TEX9: variants seen among roughly 807,000 people sequenced by gnomAD.
TEX9 encodes the protein testis-expressed protein 9.
TEX9 carries 74 observed loss-of-function variants against 59.6 expected under a neutral mutation model. The observed-to-expected ratio is 1.24, with a 90% CI of 1.03 to 1.51. TEX9 has a LOEUF of 1.51. TEX9 is among the 40% of genes most tolerant of loss of function. The pLI is 0.00. For synonymous variants in TEX9, 186 were observed against 152.2 expected, an observed-to-expected ratio of 1.22 and a Z score of -1.64; for missense variants, 522 against 447.8, an observed-to-expected ratio of 1.17 and a Z score of -1.49.
chr15:56,252,655 T>C (rs151279767), intron 1 of TEX9, among the ~76,000 whole-genome samples: 1 of 152,278 alleles, frequency 6.6e-6, no homozygotes, highest in Non-Finnish European at 1.5e-5. Flanking sequence ...GTCTGCTGCG[T>C]GCTTCCTGTA....
At chr15:56,352,638 GGCT>G (rs1391431255) in intron 1 of TEX9, among the ~76,000 whole-genome samples, 8 of 151,982 alleles carry the variant, frequency 5.3e-5, no homozygotes, top group Non-Finnish European at 1.0e-4. Flanking sequence ...ACAATGCAGT[GGCT>G]GATGGCACTT....
chr15:56,262,431 G>A (rs1241771162), intron 1 of TEX9, among the ~76,000 whole-genome samples: 1 of 152,078 alleles, frequency 6.6e-6, no homozygotes, highest in East Asian at 1.9e-4. Context: ...CTATTAGTTG[G>A]TTTTCAGGCT....
chr15:56,254,649 A>G (rs1463636114), intron 1 of TEX9, among the ~76,000 whole-genome samples: 1 of 151,942 alleles, frequency 6.6e-6, no homozygotes, highest in Non-Finnish European at 1.5e-5. Context: ...CAATACAAGA[A>G]TAATACAAGT....
At chr15:56,271,402 TA>T (rs2044527772) in intron 1 of TEX9, among the ~76,000 whole-genome samples, 1 of 152,212 alleles carries the variant, frequency 6.6e-6, no homozygotes, top group Non-Finnish European at 1.5e-5. Flanking sequence ...GAATCACTGA[TA>T]CCCTTTCTTC....
chr15:56,315,038 G>T (rs1256625769), intron 1 of TEX9, among the ~76,000 whole-genome samples: 1 of 151,138 alleles, frequency 6.6e-6, no homozygotes, highest in African/African-American at 2.4e-5. Flanking sequence ...TTGAGCCTAT[G>T]TGTGTCTCTG....
chr15:56,259,405 T>C (rs2044214812), intron 1 of TEX9, among the ~76,000 whole-genome samples: 1 of 152,098 alleles, frequency 6.6e-6, no homozygotes, highest in South Asian at 2.1e-4. Context: ...CACATGAAGG[T>C]TTATAATTTA....
chr15:56,326,214 C>T (rs139674125), intron 1 of TEX9, among the ~76,000 whole-genome samples: 15 of 152,150 alleles, frequency 9.9e-5, no homozygotes, highest in African/African-American at 3.4e-4. Flanking sequence ...AAATCCTTCT[C>T]CTTGTAACTT....
chr15:56,272,241 A>T (rs1183963509), intron 1 of TEX9, among the ~76,000 whole-genome samples: 1 of 152,188 alleles, frequency 6.6e-6, no homozygotes, highest in Non-Finnish European at 1.5e-5. Context: ...CATCGCCCCA[A>T]GAAGAAACTT....
In TEX9 at chr15:56,380,978, G is replaced by A. The variant is rs148271873; in HGVS notation, c.184-2974G>A. On this transcript the variant is annotated intron_variant, in intron 3 of 12. Coordinates refer to ENST00000352903, the Ensembl canonical transcript of TEX9. Reference sequence around the variant, plus strand: ...TGATAACTTTCTCAAGGTTTGGGAAGTTCTCTGATATTATCCCTTCGAATA... The same window carrying A: ...TGATAACTTTCTCAAGGTTTGGGAAATTCTCTGATATTATCCCTTCGAATA... 3.0e-3 allele frequency among the ~76,000 whole-genome samples: 458 copies of A among 152,228 alleles called. 3 individuals carry two copies. The highest frequency in any genetic ancestry group is 0.011 in the African/African-American group (442 of 41,556).
intron 9 of TEX9, among the ~76,000 whole-genome samples, chr15:56,399,999 A>G (rs113630898): frequency 0.044 from 6,732 of 152,288 alleles, 226 homozygotes; most frequent in Admixed American, 0.087. Context: ...ATCAAAGACC[A>G]AAGGTAGATA....
intron 1 of TEX9, among the ~76,000 whole-genome samples, chr15:56,250,075 A>G (rs2043979003): frequency 6.6e-6 from 1 of 152,140 alleles, no homozygotes; most frequent in Non-Finnish European, 1.5e-5. Flanking sequence ...CTGAGATTGG[A>G]TTTCCTTCTA....
At chr15:56,267,487 C>G (rs1295265056) in intron 1 of TEX9, among the ~76,000 whole-genome samples, 1 of 152,148 alleles carries the variant, frequency 6.6e-6, no homozygotes. Flanking sequence ...TTTAATCCAT[C>G]TTGAATTAAT....
At chr15:56,319,054 A>G (rs1344819789) in intron 1 of TEX9, among the ~76,000 whole-genome samples, 3 of 152,106 alleles carry the variant, frequency 2.0e-5, no homozygotes, top group African/African-American at 7.2e-5. Context: ...AATTGCTTAA[A>G]GTAGTATTTA....
At chr15:56,326,049 C>T (rs2046013560) in intron 1 of TEX9, among the ~76,000 whole-genome samples, 1 of 152,148 alleles carries the variant, frequency 6.6e-6, no homozygotes, top group Non-Finnish European at 1.5e-5. Context: ...GAGATAAACT[C>T]AAGGATTAGA....
upstream of TEX9, among the ~76,000 whole-genome samples, chr15:56,361,759 C>T (rs143583007): frequency 1.3e-4 from 20 of 152,286 alleles, no homozygotes; most frequent in East Asian, 3.7e-3. Context: ...AAAGCAGAAA[C>T]ACACAGGGGA....
At chr15:56,364,438 C>T (rs1339724096), upstream of TEX9, among the ~76,000 whole-genome samples, 1 of 151,604 alleles carries the variant, frequency 6.6e-6, no homozygotes, top group Non-Finnish European at 1.5e-5. Flanking sequence ...CAGGCATGAG[C>T]CTCTGTGCCC....
intron 1 of TEX9, among the ~76,000 whole-genome samples, chr15:56,354,369 A>G (rs1291138432): frequency 1.3e-5 from 2 of 152,194 alleles, no homozygotes; most frequent in African/African-American, 4.8e-5. Context: ...ATCAGTCATC[A>G]TGGACACTGC....
chr15:56,365,757 A>C (rs747644700), intron 2 of TEX9, 87 bp downstream of exon 2: 35 of 1,558,642 alleles, frequency 2.2e-5, no homozygotes, highest in Non-Finnish European at 2.9e-5. Flanking sequence ...GACTGGCTGG[A>C]TCTTCGGGAC....
At chr15:56,326,740 A>G (rs1156654734) in intron 1 of TEX9, among the ~76,000 whole-genome samples, 2 of 152,220 alleles carry the variant, frequency 1.3e-5, no homozygotes, top group East Asian at 1.9e-4. Context: ...TAAATACCTC[A>G]GAATTACGCT....
Sources: allele counts gnomAD v4.1 joint callset (sites outside exome capture counted in the v4.1 genomes callset), GRCh38; gene constraint gnomAD v4.1.1; transcripts MANE v1.5; gene names NCBI Gene and HGNC (gene_info 2026-07-23, HGNC 2026-07-21).